The following CDH12 variants were observed in gnomAD, a reference collection of about 807,000 sequenced individuals.
The protein encoded by CDH12 is cadherin 12.
In CDH12, 41 loss-of-function variants were observed where a neutral mutation model predicts 74.1. The ratio of observed to expected loss-of-function variants is 0.55; its 90% CI spans 0.43 to 0.72. The LOEUF is 0.72. CDH12 is among the 30% of genes least tolerant of loss of function. The probability of loss-of-function intolerance (pLI) is 0.00; values close to 1 mark genes in which losing one functional copy is unlikely to be tolerated. For missense variants in CDH12, 945 were observed against 977.2 expected (o/e 0.97, Z 0.44); for synonymous variants, 399 against 355.0 (o/e 1.12, Z -1.39).
chr5:22,344,373 T>C (rs748719666), intron 3 of CDH12, among the ~76,000 whole-genome samples: 5 of 152,204 alleles, frequency 3.3e-5, no homozygotes, highest in Non-Finnish European at 5.9e-5. Flanking sequence ...AAATTTCATA[T>C]ACCAGGGCTT....
chr5:22,281,655 AC>A (rs967783961), intron 3 of CDH12, among the ~76,000 whole-genome samples: 2 of 152,086 alleles, frequency 1.3e-5, no homozygotes, highest in African/African-American at 4.8e-5. Context: ...ACAAAGGAAT[AC>A]ATCTTACAAG....
Position 22,284,425 on chromosome 5 carries a change from T to G in CDH12, c.-332-71782A>C, listed in dbSNP as rs1737047712. Among the ~76,000 whole-genome samples the G allele has an allele frequency of 2.0e-5, 3 of 152,232 alleles. 1 individual carries two copies. In the South Asian group the frequency reaches 6.2e-4, roughly 32 times the overall value. ...TCATCTGAAGACTGAGGATGGAGTA[T>G]TTCTAAGATCACATGCTTTTTGGCA... is the stretch of plus-strand genomic sequence containing the variant. On this transcript the variant is annotated intron_variant, in intron 3 of 14. Coordinates refer to ENST00000382254, the MANE Select transcript of CDH12 (RefSeq NM_004061.5).
chr5:22,438,205 A>G (rs964912026), intron 2 of CDH12, among the ~76,000 whole-genome samples: 5 of 152,072 alleles, frequency 3.3e-5, no homozygotes, highest in African/African-American at 1.2e-4. Context: ...ATAGGCTTGC[A>G]TTGGACTTTG....
At chr5:22,428,630 T>G (rs1340262896) in intron 2 of CDH12, among the ~76,000 whole-genome samples, 1 of 152,176 alleles carries the variant, frequency 6.6e-6, no homozygotes, top group African/African-American at 2.4e-5. Flanking sequence ...TAGTTTGATT[T>G]TTGTCCTTTA....
chr5:21,948,631 T>G (rs1755685599), intron 6 of CDH12, among the ~76,000 whole-genome samples: 1 of 152,064 alleles, frequency 6.6e-6, no homozygotes, highest in Non-Finnish European at 1.5e-5. Flanking sequence ...CTGAAATGAT[T>G]TAAGACTCTG....
rs1447985896 is a variant in CDH12 at position 22,502,659 on chromosome 5, CAG to C, written c.-428+2609_-428+2610del. Among the ~76,000 whole-genome samples, 10 of 111,152 alleles carry C rather than the reference CAG, an allele frequency of 9.0e-5. No homozygotes were observed. In the East Asian group the frequency reaches 3.0e-3, roughly 33 times the overall value. The allele number at this position is 111,152 out of a possible 152,430, so 72.9% of individuals were successfully genotyped here. ...CTTTACACACACACACACGCACACA[CAG>C]ACACACACACACAAAACCTCCACAT... On this transcript the variant is annotated intron_variant, in intron 2 of 14. Transcript: ENST00000382254.
At chr5:22,485,854 C>T (rs1166825916) in intron 2 of CDH12, among the ~76,000 whole-genome samples, 2 of 152,158 alleles carry the variant, frequency 1.3e-5, no homozygotes, top group Non-Finnish European at 2.9e-5. Context: ...TTTACTCATA[C>T]ATTTCTAATG....
At chr5:22,635,171 G>A (rs898995454) in intron 1 of CDH12, among the ~76,000 whole-genome samples, 3 of 152,102 alleles carry the variant, frequency 2.0e-5, no homozygotes, top group East Asian at 3.9e-4. Context: ...GAATAAAATT[G>A]AGAGTCTAGA....
intron 8 of CDH12, among the ~76,000 whole-genome samples, chr5:21,817,358 TA>T (rs1341190517): frequency 6.6e-6 from 1 of 152,116 alleles, no homozygotes; most frequent in Non-Finnish European, 1.5e-5. Context: ...GCATTATAAA[TA>T]GTAGAGAATG....
intron 5 of CDH12, among the ~76,000 whole-genome samples, chr5:22,043,094 A>G (rs1274267218): frequency 6.6e-6 from 1 of 152,080 alleles, no homozygotes; most frequent in African/African-American, 2.4e-5. Context: ...AAGTCATTCT[A>G]TGAGACCAGA....
chr5:22,474,515 G>A (rs909170091), intron 2 of CDH12, among the ~76,000 whole-genome samples: 3 of 152,160 alleles, frequency 2.0e-5, no homozygotes, highest in African/African-American at 7.2e-5. Flanking sequence ...CTCCATAGGT[G>A]ATTGTTAACA....
At chr5:22,086,710 G>A (rs1743091909) in intron 4 of CDH12, among the ~76,000 whole-genome samples, 1 of 150,846 alleles carries the variant, frequency 6.6e-6, no homozygotes, top group African/African-American at 2.5e-5. Flanking sequence ...AAATGAAAAT[G>A]GCTGCTACTG....
chr5:21,824,166 G>A (rs1445944996), intron 8 of CDH12, among the ~76,000 whole-genome samples: 1 of 152,048 alleles, frequency 6.6e-6, no homozygotes, highest in East Asian at 1.9e-4. Flanking sequence ...ATTGAGTTGG[G>A]ATCTGGATGG....
chr5:21,878,859 AAGAAAGAAAGAGAG>A (rs1368488632), intron 6 of CDH12, among the ~76,000 whole-genome samples: 1 of 148,152 alleles, frequency 6.7e-6, no homozygotes, highest in African/African-American at 2.6e-5. Flanking sequence ...GAGAGAGAGA[AAGAAAGAAAGAGAG>A]AGAAAGAAAG....
chr5:22,049,301 T>C (rs1740183819), intron 5 of CDH12, among the ~76,000 whole-genome samples: 1 of 151,714 alleles, frequency 6.6e-6, no homozygotes, highest in South Asian at 2.1e-4. Context: ...TTGATTGAGT[T>C]TTACATCATT....
chr5:22,459,896 G>T (rs530362958), intron 2 of CDH12, among the ~76,000 whole-genome samples: 5 of 149,654 alleles, frequency 3.3e-5, no homozygotes, highest in African/African-American at 9.9e-5. Flanking sequence ...AACCCAGGAG[G>T]CACGGAGGTT....
intron 6 of CDH12, among the ~76,000 whole-genome samples, chr5:21,913,669 TTTG>T (rs1284251105): frequency 2.6e-5 from 4 of 151,840 alleles, no homozygotes; most frequent in Admixed American, 6.6e-5. Flanking sequence ...GTTGTGGGGT[TTTG>T]TTGTTGTTGT....
At chr5:22,278,848 A>G (rs1222114759) in intron 3 of CDH12, among the ~76,000 whole-genome samples, 1 of 152,166 alleles carries the variant, frequency 6.6e-6, no homozygotes, top group African/African-American at 2.4e-5. Context: ...AGAGACCAAA[A>G]TAAATGAAAA....
At chr5:21,873,502 C>T (rs1455435648) in intron 6 of CDH12, among the ~76,000 whole-genome samples, 1 of 152,156 alleles carries the variant, frequency 6.6e-6, no homozygotes, top group Non-Finnish European at 1.5e-5. Flanking sequence ...GACCAGAGGC[C>T]ACAAACTTTA....
Sources: allele counts gnomAD v4.1 joint callset (sites outside exome capture counted in the v4.1 genomes callset), GRCh38; gene constraint gnomAD v4.1.1; transcripts MANE v1.5; gene names NCBI Gene and HGNC (gene_info 2026-07-23, HGNC 2026-07-21).